KHDRBS2: variants seen among roughly 807,000 people sequenced by gnomAD.
KHDRBS2 encodes the protein KH domain-containing, RNA-binding, signal transduction-associated protein 2.
In KHDRBS2, 26 loss-of-function variants were observed where a neutral mutation model predicts 44.3. That is an observed-to-expected ratio of 0.59 (90% CI 0.43 to 0.81). The LOEUF (loss-of-function observed/expected upper bound fraction) is 0.81. Ranked by LOEUF, KHDRBS2 falls within the 40% of genes least tolerant of loss-of-function variation. The probability of loss-of-function intolerance (pLI) is 0.00; values close to 1 mark genes in which losing one functional copy is unlikely to be tolerated. For synonymous variants in KHDRBS2, 194 were observed against 151.1 expected, an observed-to-expected ratio of 1.28 and a Z score of -2.08; for missense variants, 476 against 433.1, an observed-to-expected ratio of 1.10 and a Z score of -0.88.
intron 6 of KHDRBS2, among the ~76,000 whole-genome samples, chr6:61,814,288 C>T (rs1445787836): frequency 6.6e-6 from 1 of 152,102 alleles, no homozygotes; most frequent in Non-Finnish European, 1.5e-5. Context: ...AATGAACACA[C>T]CCCAATCTAA....
chr6:62,008,571 TCAAA>T (rs1367049428), intron 3 of KHDRBS2, among the ~76,000 whole-genome samples: 7 of 152,298 alleles, frequency 4.6e-5, no homozygotes, highest in South Asian at 4.1e-4. Flanking sequence ...GATGGAATTA[TCAAA>T]CAGTGATCCC....
chr6:61,547,270 G>T, the KHDRBS2 span, among the ~76,000 whole-genome samples: 3 of 152,240 alleles, frequency 2.0e-5, no homozygotes, highest in South Asian at 6.2e-4. Context: ...GGATAGGTTT[G>T]AGAAAATTGC....
At chr6:62,210,355 A>G (rs1828823025) in intron 1 of KHDRBS2, among the ~76,000 whole-genome samples, 1 of 146,262 alleles carries the variant, frequency 6.8e-6, no homozygotes, top group African/African-American at 2.5e-5. Flanking sequence ...TTCAAGACGA[A>G]GTCTCGCTCT....
the KHDRBS2 span, among the ~76,000 whole-genome samples, chr6:61,662,751 C>T: frequency 6.6e-6 from 1 of 151,878 alleles, no homozygotes; most frequent in Non-Finnish European, 1.5e-5. Flanking sequence ...CAGGAAACAA[C>T]AGGTGCTGGA....
At chr6:62,246,678 T>C (rs185202148) in intron 1 of KHDRBS2, among the ~76,000 whole-genome samples, 45 of 152,210 alleles carry the variant, frequency 3.0e-4, no homozygotes, top group Admixed American at 5.2e-4. Flanking sequence ...CATGTATCTT[T>C]AATGAAGCTT....
intron 4 of KHDRBS2, among the ~76,000 whole-genome samples, chr6:61,953,833 G>A (rs1165507559): frequency 6.6e-6 from 1 of 152,136 alleles, no homozygotes; most frequent in Admixed American, 6.6e-5. Context: ...CAGAAAGAGT[G>A]AGGGGAAGGG....
At chr6:61,566,745 G>A in the KHDRBS2 span, among the ~76,000 whole-genome samples, 2 of 152,006 alleles carry the variant, frequency 1.3e-5, no homozygotes, top group East Asian at 3.9e-4. Flanking sequence ...ATCAAACTAT[G>A]TTTTCAATAA....
chr6:62,011,134 G>T (rs1780213918), intron 3 of KHDRBS2, among the ~76,000 whole-genome samples: 1 of 152,088 alleles, frequency 6.6e-6, no homozygotes, highest in Non-Finnish European at 1.5e-5. Flanking sequence ...AAACAGGTTG[G>T]TGTGAAAGAA....
intron 2 of KHDRBS2, among the ~76,000 whole-genome samples, chr6:62,108,739 T>A (rs1804191268): frequency 6.6e-6 from 1 of 152,092 alleles, no homozygotes; most frequent in Non-Finnish European, 1.5e-5. Flanking sequence ...AAACGTGGCA[T>A]ATATACACCA....
At chr6:61,990,271 G>GAATT (rs1775878470) in intron 3 of KHDRBS2, among the ~76,000 whole-genome samples, 1 of 152,154 alleles carries the variant, frequency 6.6e-6, no homozygotes, top group African/African-American at 2.4e-5. Flanking sequence ...ATAAAGCCAT[G>GAATT]AATTAACAAA....
the KHDRBS2 span, among the ~76,000 whole-genome samples, chr6:61,664,804 A>G: frequency 1.3e-4 from 20 of 151,700 alleles, no homozygotes; most frequent in African/African-American, 2.4e-5. Flanking sequence ...ACACTGTTTC[A>G]CTGAAATATA....
At chr6:62,271,844 C>T (rs1420891478) in intron 1 of KHDRBS2, among the ~76,000 whole-genome samples, 3 of 151,914 alleles carry the variant, frequency 2.0e-5, no homozygotes, top group African/African-American at 7.3e-5. Context: ...AATTAAAAAG[C>T]TTATAAAGTA....
intron 6 of KHDRBS2, among the ~76,000 whole-genome samples, chr6:61,835,687 C>T (rs146985958): frequency 5.1e-4 from 77 of 149,622 alleles, no homozygotes; most frequent in African/African-American, 1.7e-3. Flanking sequence ...TATACTGCAT[C>T]GTGCAGCTAA....
At chr6:61,619,231 G>T in the KHDRBS2 span, among the ~76,000 whole-genome samples, 2 of 144,700 alleles carry the variant, frequency 1.4e-5, no homozygotes, top group Non-Finnish European at 3.2e-5. Flanking sequence ...AGTGTACATC[G>T]TGTAGTTTTT....
chr6:62,064,680 A>G (rs1279763929), intron 2 of KHDRBS2, among the ~76,000 whole-genome samples: 1 of 152,038 alleles, frequency 6.6e-6, no homozygotes, highest in Admixed American at 6.6e-5. Context: ...TAAAAACCCT[A>G]GAAGAAAACC....
At chr6:62,112,587 T>C (rs1026945324) in intron 2 of KHDRBS2, among the ~76,000 whole-genome samples, 1 of 152,090 alleles carries the variant, frequency 6.6e-6, no homozygotes, top group Non-Finnish European at 1.5e-5. Context: ...AAAAAGGTAA[T>C]AAAGTCAACT....
chr6:61,611,006 G>T, the KHDRBS2 span, among the ~76,000 whole-genome samples: 1 of 152,120 alleles, frequency 6.6e-6, no homozygotes. Context: ...GGCAGGAATT[G>T]GCTGGCTATG....
In KHDRBS2 at chr6:62,212,203, A is replaced by T. The variant is rs542522678; in HGVS notation, c.92-34891T>A. 7.7e-4 allele frequency among the ~76,000 whole-genome samples: 117 copies of T among 152,284 alleles called. 1 individual carries two copies. In the Middle Eastern group the frequency reaches 0.014, roughly 18 times the overall value. On this transcript the variant is annotated intron_variant, in intron 1 of 8. Coordinates refer to ENST00000281156, the MANE Select transcript of KHDRBS2 (RefSeq NM_152688.4). ...AGAACTTTCATCTCCTATATATGTTACATATATAGGTAGGTAAATGCTATA... is the reference window on the plus strand; with the variant it reads ...AGAACTTTCATCTCCTATATATGTTTCATATATAGGTAGGTAAATGCTATA...
intron 2 of KHDRBS2, among the ~76,000 whole-genome samples, chr6:62,138,340 G>T (rs1584912905): frequency 6.6e-6 from 1 of 152,300 alleles, no homozygotes; most frequent in East Asian, 1.9e-4. Context: ...TGAAGATGCA[G>T]TGCCACTTCT....
Sources: allele counts gnomAD v4.1 joint callset (sites outside exome capture counted in the v4.1 genomes callset), GRCh38; gene constraint gnomAD v4.1.1; transcripts MANE v1.5; gene names NCBI Gene and HGNC (gene_info 2026-07-23, HGNC 2026-07-21).